Variants in INO80D observed in about 807,000 individuals in gnomAD.
The protein encoded by INO80D is INO80 complex subunit D.
Under a neutral mutation model 87.6 loss-of-function variants are expected in INO80D, and 21 were observed. The observed-to-expected ratio is 0.24, with a 90% confidence interval of 0.17 to 0.35. The LOEUF (loss-of-function observed/expected upper bound fraction) is 0.35. INO80D is among the 10% of genes least tolerant of loss of function. INO80D has a pLI of 1.00. For missense variants in INO80D, 982 were observed against 1,280.7 expected (o/e 0.77, Z 3.56); for synonymous variants, 440 against 491.0 (o/e 0.90, Z 1.37).
chr2:206,026,763 C>T (rs1414518570), intron 6 of INO80D, among the ~76,000 whole-genome samples: 2 of 151,322 alleles, frequency 1.3e-5, no homozygotes, highest in African/African-American at 4.8e-5. Flanking sequence ...AAAGGTATTA[C>T]TGTACTAAGG....
At chr2:206,046,386 A>C in intron 5 of INO80D, 118 bp downstream of exon 5, 2 of 671,718 alleles carry the variant, frequency 3.0e-6, no homozygotes, top group East Asian at 2.8e-5. Flanking sequence ...AAAATACAAA[A>C]AAAATTAGTC....
chr2:206,083,528 A>T (rs1216913659), intron 1 of INO80D, among the ~76,000 whole-genome samples: 2 of 152,228 alleles, frequency 1.3e-5, no homozygotes, highest in Non-Finnish European at 2.9e-5. Context: ...TTTGTATCAG[A>T]TCCATACAAT....
intron 6 of INO80D, among the ~76,000 whole-genome samples, chr2:206,025,074 C>G (rs1688568129): frequency 6.6e-6 from 1 of 151,734 alleles, no homozygotes; most frequent in Non-Finnish European, 1.5e-5. Context: ...GTTTTAAAAC[C>G]CTTTTTTTCC....
At position 205,995,573 on chromosome 2, in the gene INO80D, A is replaced by T. The variant is rs893425309; in HGVS notation, c.*8795T>A. On this transcript the variant is annotated 3_prime_UTR_variant, in exon 11 of 11. Transcript: ENST00000403263. Reference sequence around the variant, plus strand: ...ACTATTTATATACATATATATCTGGAGAGCAATATTTCATTGCCTTTGAAT... The same window carrying T: ...ACTATTTATATACATATATATCTGGTGAGCAATATTTCATTGCCTTTGAAT... The T allele has an allele frequency of 6.6e-6, 1 of 152,170 alleles. No individual in the cohort carries two copies. The highest frequency in any genetic ancestry group is 1.5e-5 in the Non-Finnish European group (1 of 68,006). 9.4% of individuals were successfully genotyped at this position (152,170 alleles called of 1,614,324 possible).
At chr2:206,063,430 G>C (rs576421085) in intron 1 of INO80D, 186 bp from the exon 2 acceptor site, 1 of 219,702 alleles carries the variant, frequency 4.6e-6, no homozygotes, top group Non-Finnish European at 8.8e-6. Flanking sequence ...GCTGGGCGCC[G>C]TGGCTCACGC....
chr2:206,040,718 T>C, intron 5 of INO80D: 1 of 271,696 alleles, frequency 3.7e-6, no homozygotes, highest in South Asian at 3.8e-5. Flanking sequence ...CACAAAACTG[T>C]CATCCACAAG....
chr2:206,069,256 T>G (rs1297372701), intron 1 of INO80D, among the ~76,000 whole-genome samples: 1 of 152,188 alleles, frequency 6.6e-6, no homozygotes, highest in Non-Finnish European at 1.5e-5. Flanking sequence ...ATGTGAAGAC[T>G]TTTATGATGA....
At chr2:206,057,306 T>A (rs934235049) in intron 3 of INO80D, among the ~76,000 whole-genome samples, 1 of 152,136 alleles carries the variant, frequency 6.6e-6, no homozygotes, top group Admixed American at 6.6e-5. Flanking sequence ...AATTCTCTTA[T>A]GAGAAAAAAT....
Position 206,002,735 on chromosome 2 carries a change from AC to A in INO80D, c.*1632del, listed in dbSNP as rs1432029423. On this transcript the variant is annotated 3_prime_UTR_variant, in exon 11 of 11. Transcript: ENST00000403263. ...AGGAAGTAGGAAAATACATCCAATC[AC>A]TACCTATTAGAAAGGAATTAAGATC... is the stretch of plus-strand genomic sequence containing the variant. The A allele has an allele frequency of 1.3e-5, 2 of 152,344 alleles. No individual in the cohort carries two copies. The highest frequency in any genetic ancestry group is 3.9e-4 in the East Asian group (2 of 5,192). The allele number at this position is 152,344 out of a possible 1,614,324, so 9.4% of individuals were successfully genotyped here.
intron 1 of INO80D, among the ~76,000 whole-genome samples, chr2:206,077,379 G>A (rs1690149104): frequency 6.6e-6 from 1 of 151,536 alleles, no homozygotes; most frequent in African/African-American, 2.4e-5. Flanking sequence ...GCAGTAAGTA[G>A]TGGTTTATTT....
At chr2:206,027,198 CAG>C (rs949103373) in intron 6 of INO80D, among the ~76,000 whole-genome samples, 24 of 152,120 alleles carry the variant, frequency 1.6e-4, no homozygotes, top group African/African-American at 4.8e-4. Flanking sequence ...TAGAAGGAAA[CAG>C]AATCAAAATG....
chr2:206,061,290 C>T (rs1404133286), intron 3 of INO80D, among the ~76,000 whole-genome samples: 1 of 152,146 alleles, frequency 6.6e-6, no homozygotes, highest in African/African-American at 2.4e-5. Context: ...GGATTACAGG[C>T]GTGAGCCATC....
chr2:206,063,173 A>T lies in INO80D; in HGVS notation c.-52T>A. ...TACCTGATTTTAAATCTTCTGCACC[A>T]TAGCAATGTTAAGAGAACCCCCAAG... is the stretch of plus-strand genomic sequence containing the variant. On this transcript the variant is annotated 5_prime_UTR_variant, in exon 2 of 11. The change abolishes an upstream ATG in the 5' untranslated region. Coordinates refer to ENST00000403263, the MANE Select transcript of INO80D (RefSeq NM_017759.5). 1 of 637,154 alleles carries T rather than the reference A, an allele frequency of 1.6e-6. No individual in the cohort carries two copies. 39.5% of individuals were successfully genotyped at this position (637,154 alleles called of 1,614,324 possible). A position where few individuals can be genotyped will look rare whatever the true frequency, so the allele number is the denominator to read the frequency against.
Position 206,004,306 on chromosome 2 carries a change from A to G in INO80D, c.*62T>C. 2.1e-6 allele frequency: 3 copies of G among 1,418,704 alleles called. No homozygotes were observed. The highest frequency in any genetic ancestry group is 2.9e-6 in the Non-Finnish European group (3 of 1,033,154). The allele number at this position is 1,418,704 out of a possible 1,614,324, so 87.9% of individuals were successfully genotyped here. On this transcript the variant is annotated 3_prime_UTR_variant, in exon 11 of 11. Transcript: ENST00000403263. This position sits in a 1 kb window ranked among gnomAD's most constrained non-coding sequence, Gnocchi z 4.9. ...TTTAGGAAAAGGGGAGAGGGGTGCT[A>G]AAGAGGAAACAAAGATAGAAAACAC...
intron 1 of INO80D, among the ~76,000 whole-genome samples, chr2:206,072,943 T>G (rs995861935): frequency 5.3e-5 from 8 of 151,908 alleles, no homozygotes; most frequent in African/African-American, 1.5e-4. Context: ...GCTCAATTGA[T>G]CCTTTTACCT....
rs1467572798 is a variant in INO80D at position 206,085,291 on chromosome 2, G to T, written c.-124+610C>A. On this transcript the variant is annotated intron_variant, in intron 1 of 10. Coordinates refer to ENST00000403263, the MANE Select transcript of INO80D (RefSeq NM_017759.5). This position sits in a 1 kb window ranked among gnomAD's most constrained non-coding sequence, Gnocchi z 4.5. The stretch of plus-strand genomic sequence containing the variant: ...CGGCCTGGCCGTCCGGAGCGCGGAG[G>T]AGGGGGATAAATAAATTCAACTCTT... 1.3e-5 allele frequency among the ~76,000 whole-genome samples: 2 copies of T among 150,950 alleles called. No homozygotes were observed. The highest frequency in any genetic ancestry group is 4.9e-5 in the African/African-American group (2 of 41,068).
At chr2:206,007,487 C>A (rs373143983) in intron 9 of INO80D, 46 bp from the exon 10 acceptor site, 122 of 1,554,962 alleles carry the variant, frequency 7.8e-5, no homozygotes, top group Non-Finnish European at 1.0e-4. Context: ...CCATTATCTT[C>A]ACATCAATAC....
At chr2:206,060,334 A>C (rs1458328622) in intron 3 of INO80D, among the ~76,000 whole-genome samples, 1 of 152,048 alleles carries the variant, frequency 6.6e-6, no homozygotes, top group African/African-American at 2.4e-5. Flanking sequence ...GGAGTTCGAG[A>C]CCAGCCTGGC....
chr2:206,008,131 A>ACCACTAT (rs1688076118), intron 9 of INO80D, among the ~76,000 whole-genome samples: 1 of 151,400 alleles, frequency 6.6e-6, no homozygotes, highest in Non-Finnish European at 1.5e-5. Flanking sequence ...ACAAGCGCCC[A>ACCACTAT]CCACTATGCC....
Sources: allele counts gnomAD v4.1 joint callset (sites outside exome capture counted in the v4.1 genomes callset), GRCh38; gene constraint gnomAD v4.1.1; non-coding constraint Gnocchi (gnomAD v3.1); transcripts MANE v1.5; gene names NCBI Gene and HGNC (gene_info 2026-07-23, HGNC 2026-07-21).